INTS5: variants seen among roughly 807,000 people sequenced by gnomAD.
INTS5 encodes the protein integrator complex subunit 5, also known as KIAA1698.
In INTS5, 29 loss-of-function variants were observed where a neutral mutation model predicts 60.0. That is an observed-to-expected ratio of 0.48 (90% CI 0.36 to 0.66). The LOEUF (loss-of-function observed/expected upper bound fraction) is 0.66, where lower values mean the gene tolerates loss of function less well. Ranked by LOEUF, INTS5 falls within the 30% of genes least tolerant of loss-of-function variation. INTS5 has a pLI of 0.00. For synonymous variants in INTS5, 588 were observed against 558.8 expected (o/e 1.05, Z -0.74); for missense variants, 1,129 against 1,307.9 (o/e 0.86, Z 2.11).
In INTS5 at chr11:62,649,164, C is replaced by T. The variant is rs781520641; in HGVS notation, c.916G>A (p.Gly306Arg). Residue 306 changes from glycine to arginine, a missense_variant, in exon 2 of 2, where the codon GGA (glycine) becomes AGA (arginine). Transcript: ENST00000330574. The surrounding 1 kb of genome is among the most constrained non-coding windows in gnomAD (Gnocchi z 6.0). ...AGGAGCTCCCGTCGGATGCTATCTCCGTGGCGGGAGGCCAGGTGACCTAGG... is the reference window on the plus strand; with the variant it reads ...AGGAGCTCCCGTCGGATGCTATCTCTGTGGCGGGAGGCCAGGTGACCTAGG... ...GILGHLASRH[G>R]DSIRRELLRM... is the part of the protein sequence containing the mutation. 4.4e-5 allele frequency: 71 copies of T among 1,613,578 alleles called. No individual in the cohort carries two copies. The highest frequency in any genetic ancestry group is 2.3e-4 in the South Asian group (21 of 91,084).
At position 62,646,967 on chromosome 11, in the gene INTS5, T is replaced by G; in HGVS notation, c.*53A>C. 1 of 1,433,104 alleles carries G rather than the reference T, an allele frequency of 7.0e-7. No individual in the cohort carries two copies. The highest frequency in any genetic ancestry group is 9.7e-7 in the Non-Finnish European group (1 of 1,035,326). 88.8% of individuals were successfully genotyped at this position (1,433,104 alleles called of 1,614,324 possible). A position where few individuals can be genotyped will look rare whatever the true frequency, so the allele number is the denominator to read the frequency against. ...CCTCCACCCTTCCGGAGCACGTTAGTCCCTTCCCTCTCTCACTGCTCAACC... is the reference window on the plus strand; with the variant it reads ...CCTCCACCCTTCCGGAGCACGTTAGGCCCTTCCCTCTCTCACTGCTCAACC... On this transcript the variant is annotated 3_prime_UTR_variant, in exon 2 of 2. Transcript: ENST00000330574.
rs773672481 is a variant in INTS5 at position 62,649,084 on chromosome 11, G to A, written c.996C>T (p.Pro332=). 1 of 1,610,282 alleles carries A rather than the reference G, an allele frequency of 6.2e-7. No homozygotes were observed. Among genetic ancestry groups the A allele is most frequent in the Non-Finnish European group, 8.5e-7 (1 of 1,177,122 alleles). ...AGGSGGRSGD[P]SLQATVPFLL... The stretch of plus-strand genomic sequence containing the variant: ...GGAACGGAACCGTGGCCTGAAGGGA[G>A]GGGTCCCCACTGCGGCCTCCAGATC... Residue 332 remains proline (P), a synonymous_variant, in exon 2 of 2, where the codon CCC becomes CCT. Coordinates refer to ENST00000330574, the MANE Select transcript of INTS5 (RefSeq NM_030628.2). This position sits in a 1 kb window ranked among gnomAD's most constrained non-coding sequence, Gnocchi z 6.0.
At position 62,647,088 on chromosome 11, in the gene INTS5, G is replaced by A. The variant is rs1265058520; in HGVS notation, c.2992C>T (p.Arg998Cys). 2 of 1,614,028 alleles carry A rather than the reference G, an allele frequency of 1.2e-6. No individual in the cohort carries two copies. The highest frequency in any genetic ancestry group is 1.7e-5 in the Admixed American group (1 of 60,004). ...LHSVLHRNIDRLGLFSGRFQA... is the reference protein window; with the variant it reads ...LHSVLHRNIDCLGLFSGRFQA... The stretch of plus-strand genomic sequence containing the variant: ...AAACGGCCAGAGAAAAGACCTAGGC[G>A]GTCGATGTTGCGGTGGAGGACACTG... The change falls in exon 2 of 2, where the codon CGC becomes TGC. Residue 998 changes from arginine to cysteine, a missense_variant. Physicochemically the swap from Arg to Cys is radical, Grantham distance 180. Transcript: ENST00000330574.
In INTS5 at chr11:62,649,095, T is replaced by C; in HGVS notation, c.985A>G (p.Ser329Gly). Residue 329 changes from serine to glycine, a missense_variant, in exon 2 of 2, where the codon AGT (serine) becomes GGT (glycine). Coordinates refer to ENST00000330574, the MANE Select transcript of INTS5 (RefSeq NM_030628.2). The surrounding 1 kb of genome is among the most constrained non-coding windows in gnomAD (Gnocchi z 6.0). ...DSLAGGSGGR[S>G]GDPSLQATVP... ...GTGGCCTGAAGGGAGGGGTCCCCAC[T>C]GCGGCCTCCAGATCCCCCTGCCAGG... is the stretch of plus-strand genomic sequence containing the variant. 5.6e-6 allele frequency: 9 copies of C among 1,610,434 alleles called. No individual in the cohort carries two copies. The highest frequency in any genetic ancestry group is 7.6e-6 in the Non-Finnish European group (9 of 1,177,212).
rs547378852 is a variant in INTS5, at chr11:62,647,950, A to G, written c.2130T>C (p.Asp710=). Residue 710 remains aspartate, a synonymous_variant, in exon 2 of 2, where the codon GAT becomes GAC. Coordinates refer to ENST00000330574, the MANE Select transcript of INTS5 (RefSeq NM_030628.2). The part of the protein sequence containing the change: ...GNTELFGGQV[D]GDNETLSVVS... ...CAACTGAGAGAGTCTCATTGTCCCC[A>G]TCTACTTGCCCACCAAACAGTTCTG... 4.3e-6 allele frequency: 7 copies of G among 1,614,174 alleles called. No homozygotes were observed. Among genetic ancestry groups the G allele is most frequent in the Admixed American group, 3.3e-5 (2 of 60,024 alleles).
Position 62,648,792 on chromosome 11 carries a change from T to C in INTS5, c.1288A>G (p.Thr430Ala), listed in dbSNP as rs1364977713. Residue 430 changes from threonine to alanine, a missense_variant, in exon 2 of 2, where the codon ACC becomes GCC. Thr to Ala is a moderately conservative substitution (Grantham distance 58, BLOSUM62 0). This residue lies in a region of INTS5 where 1,070 missense variants were observed against 1,246.1 expected (regional missense o/e 0.86). Coordinates refer to ENST00000330574, the MANE Select transcript of INTS5 (RefSeq NM_030628.2). The surrounding 1 kb of genome is among the most constrained non-coding windows in gnomAD (Gnocchi z 4.4). ...ITTQGLAVPDTVREACDRLIQ... is the reference protein window; with the variant it reads ...ITTQGLAVPDAVREACDRLIQ... ...AGCCGGTCACAAGCCTCACGCACGG[T>C]GTCTGGCACAGCCAGGCCCTGGGTG... is the stretch of plus-strand genomic sequence containing the variant. 1.2e-6 allele frequency: 2 copies of C among 1,614,142 alleles called. No individual in the cohort carries two copies. Among genetic ancestry groups the C allele is most frequent in the South Asian group, 2.2e-5 (2 of 91,084 alleles).
intron 1 of INTS5, among the ~76,000 whole-genome samples, chr11:62,651,430 T>C (rs1944591896): frequency 6.6e-6 from 1 of 152,150 alleles, no homozygotes; most frequent in South Asian, 2.1e-4. Flanking sequence ...TATGTTTCTT[T>C]CAATGACAAC....
At position 62,649,326 on chromosome 11, in the gene INTS5, C is replaced by T. The variant is rs749799632; in HGVS notation, c.754G>A (p.Val252Ile). The change falls in exon 2 of 2, where the codon GTC becomes ATC. Residue 252 changes from valine (V) to isoleucine (I), a missense_variant. This residue lies in a region of INTS5 where 1,070 missense variants were observed against 1,246.1 expected (regional missense o/e 0.86). Coordinates refer to ENST00000330574, the MANE Select transcript of INTS5 (RefSeq NM_030628.2). This position sits in a 1 kb window ranked among gnomAD's most constrained non-coding sequence, Gnocchi z 6.0. ...VLSCGLKDFC[V>I]HGGAGGGAGS... ...GCTCCACCTCCAGCCCCACCATGGA[C>T]ACAAAAGTCCTTAAGGCCACAGGAG... 1 of 1,614,136 alleles carries T rather than the reference C, an allele frequency of 6.2e-7. No individual in the cohort carries two copies. Among genetic ancestry groups the T allele is most frequent in the Non-Finnish European group, 8.5e-7 (1 of 1,180,026 alleles).
At chr11:62,652,237 T>G (rs1465926790) in intron 1 of INTS5, among the ~76,000 whole-genome samples, 1 of 151,432 alleles carries the variant, frequency 6.6e-6, no homozygotes, top group Non-Finnish European at 1.5e-5. Context: ...GAGAATCGCT[T>G]GAACCCAGGA....
intron 1 of INTS5, among the ~76,000 whole-genome samples, chr11:62,652,369 A>AC (rs930701061): frequency 1.5e-5 from 2 of 137,596 alleles, no homozygotes; most frequent in Non-Finnish European, 3.1e-5. Flanking sequence ...TTCTACCACC[A>AC]CCCCCGCCCC....
Position 62,648,230 on chromosome 11 carries a change from G to C in INTS5, c.1850C>G (p.Pro617Arg). 1 of 1,613,798 alleles carries C rather than the reference G, an allele frequency of 6.2e-7. No homozygotes were observed. The highest frequency in any genetic ancestry group is 1.1e-5 in the South Asian group (1 of 91,086). Residue 617 changes from proline (P) to arginine (R), a missense_variant, in exon 2 of 2, where the codon CCT becomes CGT. Pro to Arg is a moderately radical substitution (Grantham distance 103, BLOSUM62 -2). This residue lies in a region of INTS5 where 1,070 missense variants were observed against 1,246.1 expected (regional missense o/e 0.86). Coordinates refer to ENST00000330574, the MANE Select transcript of INTS5 (RefSeq NM_030628.2). This position sits in a 1 kb window ranked among gnomAD's most constrained non-coding sequence, Gnocchi z 4.4. ...AGCAGCTTCAGCTACTTCCTCCTCA[G>C]GATGTAGCAGGAGAGGAGCCAGGTC... is the stretch of plus-strand genomic sequence containing the variant. The part of the protein sequence containing the change: ...LSDLAPLLLH[P>R]EEEVAEAAAS...
Position 62,647,974 on chromosome 11 carries a change from T to C in INTS5, c.2106A>G (p.Thr702=), listed in dbSNP as rs1590836833. 6.2e-7 allele frequency: 1 copy of C among 1,614,188 alleles called. No homozygotes were observed. The highest frequency in any genetic ancestry group is 8.5e-7 in the Non-Finnish European group (1 of 1,180,018). The change falls in exon 2 of 2, where the codon ACA becomes ACG. Residue 702 remains threonine, a synonymous_variant. Transcript: ENST00000330574. The part of the protein sequence containing the change: ...LVEGALHRGN[T]ELFGGQVDGD... Reference sequence around the variant, plus strand: ...CATCTACTTGCCCACCAAACAGTTCTGTGTTGCCTCGATGTAAGGCTCCTT... The same window carrying C: ...CATCTACTTGCCCACCAAACAGTTCCGTGTTGCCTCGATGTAAGGCTCCTT...
At chr11:62,652,436 G>C (rs1419156975) in intron 1 of INTS5, among the ~76,000 whole-genome samples, 2 of 132,218 alleles carry the variant, frequency 1.5e-5, no homozygotes, top group Non-Finnish European at 3.2e-5. Flanking sequence ...AAAAAAAATT[G>C]TAAGCACCTT....
Position 62,646,863 on chromosome 11 carries a change from G to C in INTS5, c.*157C>G. 2 of 770,422 alleles carry C rather than the reference G, an allele frequency of 2.6e-6. No homozygotes were observed. Among genetic ancestry groups the C allele is most frequent in the Non-Finnish European group, 4.1e-6 (2 of 486,406 alleles). 47.7% of individuals were successfully genotyped at this position (770,422 alleles called of 1,614,324 possible). Reference sequence around the variant, plus strand: ...AGCACTGGACTGGTTTTCTCAAGTTGGCAAATTTTATTTAGAAAAAAAAAA... The same window carrying C: ...AGCACTGGACTGGTTTTCTCAAGTTCGCAAATTTTATTTAGAAAAAAAAAA... On this transcript the variant is annotated 3_prime_UTR_variant, in exon 2 of 2. Transcript: ENST00000330574.
chr11:62,649,868 G>A lies in INTS5; in HGVS notation c.212C>T (p.Ala71Val). Reference sequence around the variant, plus strand: ...ACCTCTCAAGTGGTCAAGCACAGCAGCCCGAGCAGGTGGCAAAGAACGGAG... The same window carrying A: ...ACCTCTCAAGTGGTCAAGCACAGCAACCCGAGCAGGTGGCAAAGAACGGAG... ...LLLRSLPPAR[A>V]AVLDHLRGVF... The change falls in exon 2 of 2, where the codon GCT becomes GTT. Residue 71 changes from alanine to valine, a missense_variant. Physicochemically the swap from Ala to Val is moderately conservative, Grantham distance 64. Around this residue, in one of 3 missense-constraint regions of INTS5, gnomAD observed 1,070 missense variants for 1,246.1 expected, o/e 0.86. Transcript: ENST00000330574. This position sits in a 1 kb window ranked among gnomAD's most constrained non-coding sequence, Gnocchi z 6.0. The A allele has an allele frequency of 6.2e-7, 1 of 1,614,188 alleles. No homozygotes were observed. Among genetic ancestry groups the A allele is most frequent in the South Asian group, 1.1e-5 (1 of 91,084 alleles).
At position 62,649,774 on chromosome 11, in the gene INTS5, G is replaced by A. The variant is rs1311494487; in HGVS notation, c.306C>T (p.His102=). The A allele has an allele frequency of 1.2e-6, 2 of 1,614,060 alleles. No homozygotes were observed. The highest frequency in any genetic ancestry group is 1.3e-5 in the African/African-American group (1 of 74,932). Residue 102 remains histidine (H), a synonymous_variant, in exon 2 of 2, where the codon CAC becomes CAT. Transcript: ENST00000330574. The surrounding 1 kb of genome is among the most constrained non-coding windows in gnomAD (Gnocchi z 6.0). Reference sequence around the variant, plus strand: ...CATGAGAGGGTGGAGGTGGACGGAGGTGAGGTGGACCAGCCACAGGGGTTT... The same window carrying A: ...CATGAGAGGGTGGAGGTGGACGGAGATGAGGTGGACCAGCCACAGGGGTTT... ...LDETPVAGPP[H]LRPPPPSHVP... is the part of the protein sequence containing the mutation.
At chr11:62,653,072 AC>A (rs1173283719) in intron 1 of INTS5, 97 bp downstream of exon 1, 6 of 729,438 alleles carry the variant, frequency 8.2e-6, no homozygotes, top group Non-Finnish European at 7.7e-6. Context: ...GAGAACCCTG[AC>A]GTGAGTTCTC....
chr11:62,647,067 G>T lies in INTS5; in HGVS notation c.3013C>A (p.Arg1005Ser). Reference protein sequence around the residue: ...NIDRLGLFSGRFQAPSPSTLL... With the variant: ...NIDRLGLFSGSFQAPSPSTLL... ...GTGGACGGTGAAGGTGCCTGGAAAC[G>T]GCCAGAGAAAAGACCTAGGCGGTCG... Residue 1005 changes from arginine (R) to serine (S), a missense_variant, in exon 2 of 2, where the codon CGT becomes AGT. Physicochemically the swap from Arg to Ser is moderately radical, Grantham distance 110. Transcript: ENST00000330574. The T allele has an allele frequency of 1.9e-6, 3 of 1,613,772 alleles. No individual in the cohort carries two copies. Among genetic ancestry groups the T allele is most frequent in the Non-Finnish European group, 2.5e-6 (3 of 1,179,752 alleles).
At position 62,648,322 on chromosome 11, in the gene INTS5, C is replaced by T. The variant is rs1406910951; in HGVS notation, c.1758G>A (p.Gln586=). The T allele has an allele frequency of 4.3e-6, 7 of 1,613,806 alleles. No homozygotes were observed. In the Admixed American group the frequency reaches 1.2e-4, roughly 27 times the overall value. Residue 586 remains glutamine, a synonymous_variant, in exon 2 of 2, where the codon CAG becomes CAA. Coordinates refer to ENST00000330574, the MANE Select transcript of INTS5 (RefSeq NM_030628.2). This position sits in a 1 kb window ranked among gnomAD's most constrained non-coding sequence, Gnocchi z 4.4. The part of the protein sequence containing the change: ...RNLALLVGWE[Q]QGGEGPAALG... ...GGGCTGCAGGGCCCTCGCCACCCTG[C>T]TGTTCCCACCCTACTAGCAGTGCCA...
Sources: gnomAD v4.1 joint callset for allele counts (sites outside exome capture counted in the v4.1 genomes callset) on GRCh38, gnomAD v4.1.1 for gene constraint, gnomAD v4.1.1 regional missense constraint, Gnocchi (gnomAD v3.1) non-coding constraint, MANE v1.5 for transcripts, NCBI Gene and HGNC (gene_info 2026-07-23, HGNC 2026-07-21) for gene names.